Variants in BTBD7 observed in about 807,000 individuals in gnomAD.
BTBD7 encodes BTB/POZ domain-containing protein 7.
In BTBD7, 38 loss-of-function variants were observed where a neutral mutation model predicts 99.9. The observed-to-expected ratio is 0.38, with a 90% CI of 0.29 to 0.50. The LOEUF is 0.50. BTBD7 is among the 20% of genes least tolerant of loss of function. BTBD7 has a pLI of 0.93. For missense variants in BTBD7, 1,170 were observed against 1,394.6 expected (o/e 0.84, Z 2.57); for synonymous variants, 520 against 511.4 (o/e 1.02, Z -0.23).
rs765723877 is a variant in BTBD7, at chr14:93,295,988, C to T, written c.64G>A (p.Ala22Thr). The change falls in exon 2 of 11, where the codon GCC becomes ACC. Residue 22 changes from alanine to threonine, a missense_variant. Ala to Thr is a moderately conservative substitution (Grantham distance 58). Around this residue, in one of 4 missense-constraint regions of BTBD7, gnomAD observed 359 missense variants for 497.9 expected, o/e 0.72. Coordinates refer to ENST00000334746, the MANE Select transcript of BTBD7 (RefSeq NM_001002860.4). ...AAGTTACCTATAAAAGTCTGTTGGGCCTGTGAATTTCCCCCTACCCTCGGG... is the reference window on the plus strand; with the variant it reads ...AAGTTACCTATAAAAGTCTGTTGGGTCTGTGAATTTCCCCCTACCCTCGGG... Reference protein sequence around the residue: ...CSPRVGGNSQAQQTFIGTSSY... With the variant: ...CSPRVGGNSQTQQTFIGTSSY... 1.9e-6 allele frequency: 3 copies of T among 1,613,936 alleles called. No homozygotes were observed. Among genetic ancestry groups the T allele is most frequent in the Non-Finnish European group, 2.5e-6 (3 of 1,179,934 alleles).
chr14:93,283,873 A>G (rs2052749347), intron 3 of BTBD7, among the ~76,000 whole-genome samples: 1 of 152,222 alleles, frequency 6.6e-6, no homozygotes, highest in Non-Finnish European at 1.5e-5. Context: ...TTTTAAGTAT[A>G]TAAATAAGGG....
Position 93,251,609 on chromosome 14 carries a change from CG to C in BTBD7, c.1795del (p.Arg599AlafsTer27). ...ATTGGACATTCTAACCATTCGCAAGCGCACAAGATCCGTTTGTTCCACCATC... is the reference window on the plus strand; with the variant it reads ...ATTGGACATTCTAACCATTCGCAAGCCACAAGATCCGTTTGTTCCACCATC... Reference protein sequence around the residue: ...EMMVEQTDLVRLRMVRMSNVP... With the variant: ...EMMVEQTDLVXLRMVRMSNVP... On this transcript the variant is annotated frameshift_variant, in exon 8 of 11. Coordinates refer to ENST00000334746, the MANE Select transcript of BTBD7 (RefSeq NM_001002860.4). LOFTEE classifies it high-confidence loss of function. 1 of 1,613,162 alleles carries C rather than the reference CG, an allele frequency of 6.2e-7. No individual in the cohort carries two copies. Among genetic ancestry groups the C allele is most frequent in the African/African-American group, 1.3e-5 (1 of 75,004 alleles).
intron 3 of BTBD7, among the ~76,000 whole-genome samples, chr14:93,269,897 C>A (rs1351125884): frequency 1.3e-5 from 2 of 152,138 alleles, no homozygotes; most frequent in African/African-American, 4.8e-5. Context: ...GCCCTGGGAA[C>A]ACAGCCACCC....
At chr14:93,250,746 A>C (rs1476714957) in intron 8 of BTBD7, among the ~76,000 whole-genome samples, 1 of 152,248 alleles carries the variant, frequency 6.6e-6, no homozygotes, top group East Asian at 1.9e-4. Context: ...TGGACATGAC[A>C]GTTATATCCT....
At chr14:93,304,460 T>A (rs1443672824) in intron 1 of BTBD7, among the ~76,000 whole-genome samples, 1 of 152,236 alleles carries the variant, frequency 6.6e-6, no homozygotes, top group Admixed American at 6.5e-5. Flanking sequence ...CGAGCGATTC[T>A]CCTGCCTCAG....
chr14:93,332,958 C>G lies in BTBD7; in HGVS notation c.-245G>C. The stretch of plus-strand genomic sequence containing the variant: ...CTCCCACCGCCGCCGCCGCCGCCCT[C>G]TCCTCTCCTGTCAGTGGCTCAGGCT... On this transcript the variant is annotated 5_prime_UTR_variant, in exon 1 of 11. Coordinates refer to ENST00000334746, the MANE Select transcript of BTBD7 (RefSeq NM_001002860.4). 1.4e-6 allele frequency: 1 copy of G among 706,098 alleles called. No individual in the cohort carries two copies. The allele number at this position is 706,098 out of a possible 1,614,324, so 43.7% of individuals were successfully genotyped here.
chr14:93,273,872 A>G (rs890935811), intron 3 of BTBD7, among the ~76,000 whole-genome samples: 2 of 151,850 alleles, frequency 1.3e-5, no homozygotes, highest in Non-Finnish European at 1.5e-5. Context: ...AGACCTGGCT[A>G]TATGCACTGG....
chr14:93,255,440 T>C (rs1305841110), intron 6 of BTBD7: 1 of 151,952 alleles, frequency 6.6e-6, no homozygotes, highest in African/African-American at 2.4e-5. Flanking sequence ...GGCAGAGTCT[T>C]TACCAAATGA....
intron 10 of BTBD7, among the ~76,000 whole-genome samples, chr14:93,245,584 T>C (rs1310182291): frequency 3.4e-4 from 51 of 152,164 alleles, no homozygotes; most frequent in Admixed American, 3.3e-3. Flanking sequence ...CAAATGAACA[T>C]AAAGATAAGA....
Position 93,294,404 on chromosome 14 carries a change from C to A in BTBD7, c.616G>T (p.Glu206Ter). 6.2e-7 allele frequency: 1 copy of A among 1,614,168 alleles called. No homozygotes were observed. Among genetic ancestry groups the A allele is most frequent in the Non-Finnish European group, 8.5e-7 (1 of 1,180,032 alleles). The stretch of plus-strand genomic sequence containing the variant: ...AACCTTGAGTCCTCCATTCCAAACT[C>A]TCCTGTATAAAGGTAGTGTAACAAA... The part of the protein sequence containing the change: ...SALLHYLYTG[E>*]FGMEDSRFQN... Residue 206 changes from glutamate (E) to a stop codon, truncating the protein, a stop_gained, in exon 3 of 11, where the codon GAG (glutamate) becomes TAG (stop). Transcript: ENST00000334746. LOFTEE classifies it high-confidence loss of function.
In BTBD7 at chr14:93,294,323, G is replaced by C; in HGVS notation, c.697C>G (p.Leu233Val). ...LSEEFGTPNSLDVDMRGLFDY... is the reference protein window; with the variant it reads ...LSEEFGTPNSVDVDMRGLFDY... ...AAGAGTCCACGCATATCTACATCAA[G>C]GGAATTTGGTGTTCCAAATTCTTCA... The change falls in exon 3 of 11, where the codon CTT (leucine) becomes GTT (valine). Residue 233 changes from leucine to valine, a missense_variant. Leu to Val is a conservative substitution (Grantham distance 32, BLOSUM62 1). This residue lies in a region of BTBD7 where 359 missense variants were observed against 497.9 expected (regional missense o/e 0.72). Transcript: ENST00000334746. 1 of 1,614,094 alleles carries C rather than the reference G, an allele frequency of 6.2e-7. No individual in the cohort carries two copies. The highest frequency in any genetic ancestry group is 8.5e-7 in the Non-Finnish European group (1 of 1,180,032).
At chr14:93,257,958 A>G (rs767798794) in intron 5 of BTBD7, among the ~76,000 whole-genome samples, 6 of 148,472 alleles carry the variant, frequency 4.0e-5, no homozygotes, top group Middle Eastern at 3.4e-3. Context: ...TATGTCCATC[A>G]TCCAAGGCAG....
At chr14:93,329,557 T>C (rs552737751) in intron 1 of BTBD7, among the ~76,000 whole-genome samples, 21 of 152,278 alleles carry the variant, frequency 1.4e-4, no homozygotes, top group East Asian at 5.8e-4. Flanking sequence ...TAAGTGCCCA[T>C]TGAGGGGAAC....
At chr14:93,313,712 AC>A (rs1470875983) in intron 1 of BTBD7, among the ~76,000 whole-genome samples, 39 of 150,068 alleles carry the variant, frequency 2.6e-4, no homozygotes, top group Admixed American at 1.3e-3. Flanking sequence ...ACACACACAC[AC>A]ACAATCACAC....
chr14:93,248,676 G>C (rs772447963), intron 8 of BTBD7, 22 bp from the exon 9 acceptor site: 21 of 1,567,072 alleles, frequency 1.3e-5, no homozygotes, highest in Non-Finnish European at 1.5e-5. Context: ...ACAACAGTGG[G>C]CAAGCAAAAT....
At chr14:93,271,534 C>A (rs997016427) in intron 3 of BTBD7, among the ~76,000 whole-genome samples, 1 of 152,004 alleles carries the variant, frequency 6.6e-6, no homozygotes, top group East Asian at 1.9e-4. Flanking sequence ...CAAACAGGCT[C>A]GAGAGAAAAG....
At chr14:93,253,864 A>G in intron 6 of BTBD7, 74 bp from the exon 7 acceptor site, 4 of 630,436 alleles carry the variant, frequency 6.3e-6, no homozygotes, top group Non-Finnish European at 9.3e-6. Flanking sequence ...AAAAATATTT[A>G]TAACTATAAA....
At chr14:93,326,407 T>C (rs1241463778) in intron 1 of BTBD7, among the ~76,000 whole-genome samples, 5 of 152,180 alleles carry the variant, frequency 3.3e-5, no homozygotes, top group Non-Finnish European at 7.3e-5. Flanking sequence ...GTTGAGGTTC[T>C]GGTGAGTCGT....
intron 6 of BTBD7, chr14:93,256,493 A>G (rs2052431430): frequency 6.6e-6 from 1 of 150,734 alleles, no homozygotes; most frequent in Admixed American, 6.6e-5. Context: ...ATCTCGGCTC[A>G]CTGCAACCTC....
Sources: gnomAD v4.1 joint callset for allele counts (sites outside exome capture counted in the v4.1 genomes callset) on GRCh38, gnomAD v4.1.1 for gene constraint, gnomAD v4.1.1 regional missense constraint, MANE v1.5 for transcripts, NCBI Gene and HGNC (gene_info 2026-07-23, HGNC 2026-07-21) for gene names.